The following EFNA5 variants were observed in gnomAD, a reference collection of about 807,000 sequenced individuals.
The protein encoded by EFNA5 is ephrin A5, also known as ephrin-A5.
A neutral mutation model predicts 22.9 loss-of-function variants in EFNA5; 5 were observed. The observed-to-expected ratio is 0.22, with a 90% CI of 0.11 to 0.46. The LOEUF (loss-of-function observed/expected upper bound fraction) is 0.46, where lower values mean the gene tolerates loss of function less well. Among genes scored for constraint, EFNA5 ranks in the 20% least tolerant of loss-of-function variants. The probability of loss-of-function intolerance (pLI) is 0.99; values close to 1 mark genes in which losing one functional copy is unlikely to be tolerated. For missense variants in EFNA5, 237 were observed against 293.3 expected (o/e 0.81, Z 1.40); for synonymous variants, 113 against 112.2 (o/e 1.01, Z -0.04).
intron 3 of EFNA5, 43 bp downstream of exon 3, chr5:107,387,663 G>C: frequency 6.9e-7 from 1 of 1,441,160 alleles, no homozygotes; most frequent in South Asian, 1.2e-5. Flanking sequence ...AATAAAGCAT[G>C]CGCGGTGAAG....
Position 107,577,286 on chromosome 5 carries a change from G to T in EFNA5, c.125+93203C>A, listed in dbSNP as rs1334279251. Reference sequence around the variant, plus strand: ...TGCTTGGGAACGTAGCCTGGGAAAAGGGGAAATTTGCCATTCCCAGATGAA... The same window carrying T: ...TGCTTGGGAACGTAGCCTGGGAAAATGGGAAATTTGCCATTCCCAGATGAA... On this transcript the variant is annotated intron_variant, in intron 1 of 4. Coordinates refer to ENST00000333274, the MANE Select transcript of EFNA5 (RefSeq NM_001962.3). Among the ~76,000 whole-genome samples the T allele has an allele frequency of 7.2e-5, 11 of 152,174 alleles. No homozygotes were observed. The South Asian group carries it at 2.3e-3, about 32-fold the overall frequency.
intron 1 of EFNA5, among the ~76,000 whole-genome samples, chr5:107,602,308 C>G (rs1260689913): frequency 1.3e-5 from 2 of 152,102 alleles, no homozygotes. Flanking sequence ...ATTGATGAGA[C>G]AGAATTTGGG....
At chr5:107,466,998 T>G (rs1750005749) in intron 1 of EFNA5, among the ~76,000 whole-genome samples, 1 of 152,228 alleles carries the variant, frequency 6.6e-6, no homozygotes, top group African/African-American at 2.4e-5. Flanking sequence ...TCTTCATTGA[T>G]GGAGCCTTAG....
chr5:107,559,450 G>A (rs1175820150), intron 1 of EFNA5, among the ~76,000 whole-genome samples: 1 of 152,134 alleles, frequency 6.6e-6, no homozygotes, highest in African/African-American at 2.4e-5. Flanking sequence ...GACAGGATGA[G>A]GGAATAAATG....
At chr5:107,382,494 T>C (rs563099099) in intron 4 of EFNA5, among the ~76,000 whole-genome samples, 1 of 152,272 alleles carries the variant, frequency 6.6e-6, no homozygotes, top group Non-Finnish European at 1.5e-5. Flanking sequence ...TGCCTCAACC[T>C]CCCGAGTAGC....
chr5:107,661,587 G>A (rs1750962216), intron 1 of EFNA5, among the ~76,000 whole-genome samples: 1 of 152,186 alleles, frequency 6.6e-6, no homozygotes, highest in African/African-American at 2.4e-5. Context: ...AACAATAGAA[G>A]GGGAACTAGG....
intron 2 of EFNA5, among the ~76,000 whole-genome samples, chr5:107,418,077 CTA>C (rs1748552246): frequency 6.6e-6 from 1 of 152,162 alleles, no homozygotes; most frequent in African/African-American, 2.4e-5. Context: ...CAAAGATTGA[CTA>C]TGCATTTGGT....
At chr5:107,435,315 C>CTTTTTGTTTTTTTTTTTTTTTTTTTTT (rs1749079672) in intron 1 of EFNA5, among the ~76,000 whole-genome samples, 1 of 104,666 alleles carries the variant, frequency 9.6e-6, no homozygotes, top group African/African-American at 4.0e-5. Flanking sequence ...TGAAGATGCT[C>CTTTTTGTTTTTTTTTTTTTTTTTTTTT]TTTTTTTTTT....
intron 1 of EFNA5, among the ~76,000 whole-genome samples, chr5:107,570,467 T>C (rs1048054529): frequency 2.6e-5 from 4 of 152,238 alleles, no homozygotes; most frequent in Admixed American, 6.5e-5. Flanking sequence ...ATGCCTTTCA[T>C]GTAATCATCT....
At chr5:107,542,146 C>A (rs759338133) in intron 1 of EFNA5, among the ~76,000 whole-genome samples, 1 of 152,156 alleles carries the variant, frequency 6.6e-6, no homozygotes, top group Non-Finnish European at 1.5e-5. Context: ...TGGGGCCACA[C>A]TTTCAGGGGG....
chr5:107,571,701 C>T (rs1748810547), intron 1 of EFNA5, among the ~76,000 whole-genome samples: 1 of 152,146 alleles, frequency 6.6e-6, no homozygotes, highest in South Asian at 2.1e-4. Flanking sequence ...AGTTTCCCCA[C>T]CTTCCTGTCG....
intron 2 of EFNA5, among the ~76,000 whole-genome samples, chr5:107,401,300 T>G (rs1308187724): frequency 6.6e-6 from 1 of 152,194 alleles, no homozygotes; most frequent in Non-Finnish European, 1.5e-5. Context: ...AATCAATCTA[T>G]TTTGCCGCTG....
chr5:107,662,504 G>T (rs1750983358), intron 1 of EFNA5, among the ~76,000 whole-genome samples: 1 of 152,024 alleles, frequency 6.6e-6, no homozygotes, highest in Non-Finnish European at 1.5e-5. Context: ...TAGGTCACTT[G>T]GTTTTCCAAA....
chr5:107,504,722 G>C (rs1747215108), intron 1 of EFNA5, among the ~76,000 whole-genome samples: 1 of 152,232 alleles, frequency 6.6e-6, no homozygotes, highest in Non-Finnish European at 1.5e-5. Context: ...ACATGAAAAA[G>C]TGTTGTCGAA....
intron 1 of EFNA5, among the ~76,000 whole-genome samples, chr5:107,625,746 C>T (rs1236560858): frequency 1.3e-5 from 2 of 152,188 alleles, no homozygotes; most frequent in African/African-American, 2.4e-5. Flanking sequence ...TTCCATAATT[C>T]AAACTACAGT....
chr5:107,668,302 A>G (rs971140764), intron 1 of EFNA5, among the ~76,000 whole-genome samples: 3 of 152,244 alleles, frequency 2.0e-5, no homozygotes, highest in Admixed American at 2.0e-4. Flanking sequence ...GCAGGTTCAA[A>G]GCCTCCATGG....
At chr5:107,639,921 T>C (rs1750467895) in intron 1 of EFNA5, among the ~76,000 whole-genome samples, 2 of 152,120 alleles carry the variant, frequency 1.3e-5, no homozygotes, top group South Asian at 4.1e-4. Context: ...TATACTAAAA[T>C]ATAAGAAAAG....
intron 1 of EFNA5, among the ~76,000 whole-genome samples, chr5:107,569,559 T>TATATATATATA (rs1748742560): frequency 9.4e-5 from 4 of 42,526 alleles, no homozygotes; most frequent in Non-Finnish European, 1.7e-4. Flanking sequence ...ATATATATAT[T>TATATATATATA]TATATATATA....
At chr5:107,414,211 A>G (rs1003076678) in intron 2 of EFNA5, among the ~76,000 whole-genome samples, 1 of 152,158 alleles carries the variant, frequency 6.6e-6, no homozygotes, top group Non-Finnish European at 1.5e-5. Flanking sequence ...CTTTTTACCT[A>G]TCATCTCCAG....
Sources: allele counts gnomAD v4.1 joint callset (sites outside exome capture counted in the v4.1 genomes callset), GRCh38; gene constraint gnomAD v4.1.1; transcripts MANE v1.5; gene names NCBI Gene and HGNC (gene_info 2026-07-23, HGNC 2026-07-21).